SACM1L: variants seen among roughly 807,000 people sequenced by gnomAD.
SACM1L encodes the protein SAC1 like phosphatidylinositide phosphatase, also known as phosphatidylinositol-3-phosphatase SAC1.
A neutral mutation model predicts 89.5 loss-of-function variants in SACM1L; 32 were observed. That is an observed-to-expected ratio of 0.36 (90% confidence interval 0.27 to 0.48). The LOEUF (loss-of-function observed/expected upper bound fraction) is 0.48. Ranked by LOEUF, SACM1L falls within the 20% of genes least tolerant of loss-of-function variation. The probability of loss-of-function intolerance (pLI) is 0.99; values close to 1 mark genes in which losing one functional copy is unlikely to be tolerated. For missense variants in SACM1L, 543 were observed against 708.5 expected, an observed-to-expected ratio of 0.77 and a Z score of 2.65; for synonymous variants, 213 against 232.8, an observed-to-expected ratio of 0.92 and a Z score of 0.77.
At chr3:45,696,306 C>T (rs189459372) in intron 1 of SACM1L, among the ~76,000 whole-genome samples, 34 of 152,072 alleles carry the variant, frequency 2.2e-4, no homozygotes. Flanking sequence ...CCAGAATTTC[C>T]TTTCTAAGGC....
At chr3:45,742,211 A>C (rs1699331354) in intron 19 of SACM1L, among the ~76,000 whole-genome samples, 1 of 152,192 alleles carries the variant, frequency 6.6e-6, no homozygotes. Flanking sequence ...AAGAATTTTA[A>C]ACTTCAGAGC....
chr3:45,711,247 G>GC (rs1698521693), intron 5 of SACM1L, among the ~76,000 whole-genome samples: 1 of 152,144 alleles, frequency 6.6e-6, no homozygotes, highest in South Asian at 2.1e-4. Context: ...TGGGCCGGGG[G>GC]GTTCCAGGCA....
At chr3:45,703,386 A>G (rs1464161177) in intron 1 of SACM1L, 52 bp from the exon 2 acceptor site, 6 of 1,222,142 alleles carry the variant, frequency 4.9e-6, no homozygotes, top group Non-Finnish European at 6.0e-6. Context: ...GTAGTTTTTT[A>G]GAAGTCTTCA....
rs983489169 is a variant in SACM1L at position 45,703,496 on chromosome 3, C to T, written c.91C>T (p.Leu31Phe). The T allele has an allele frequency of 6.2e-7, 1 of 1,613,138 alleles. No homozygotes were observed. The highest frequency in any genetic ancestry group is 1.3e-5 in the African/African-American group (1 of 74,870). The stretch of plus-strand genomic sequence containing the variant: ...TTGTGATGATGGAGCAGATGACGTA[C>T]TTACCATTGACCGTGTGTCCACAGA... Reference protein sequence around the residue: ...EACDDGADDVLTIDRVSTEVT... With the variant: ...EACDDGADDVFTIDRVSTEVT... Residue 31 changes from leucine to phenylalanine, a missense_variant, in exon 2 of 20, where the codon CTT (leucine) becomes TTT (phenylalanine). By Grantham distance (22) the Leu-to-Phe change is conservative. Around this residue, in one of 2 missense-constraint regions of SACM1L, gnomAD observed 173 missense variants for 180.9 expected, o/e 0.96. Transcript: ENST00000389061.
At chr3:45,737,961 TG>T in intron 16 of SACM1L, 117 bp downstream of exon 16, 5 of 791,174 alleles carry the variant, frequency 6.3e-6, no homozygotes, top group Non-Finnish European at 2.1e-6. Flanking sequence ...CTCCAGCATC[TG>T]GGCCTCACTT....
At chr3:45,700,891 C>T (rs531105645) in intron 1 of SACM1L, among the ~76,000 whole-genome samples, 4 of 152,304 alleles carry the variant, frequency 2.6e-5, no homozygotes, top group African/African-American at 4.8e-5. Context: ...AGGCTGGTCT[C>T]GAACACCTGA....
intron 1 of SACM1L, chr3:45,689,741 A>T: frequency 1.7e-6 from 1 of 593,764 alleles, no homozygotes; most frequent in Non-Finnish European, 3.0e-6. Context: ...CTGAAGAGAG[A>T]AGCTGCCGAC....
chr3:45,705,263 AT>A (rs1233876876), intron 3 of SACM1L, 54 bp downstream of exon 3: 1 of 1,052,448 alleles, frequency 9.5e-7, no homozygotes, highest in Admixed American at 1.8e-5. Flanking sequence ...AGGTAGTTAA[AT>A]TGTTAATATT....
chr3:45,721,860 G>A lies in SACM1L; in HGVS notation c.680-140G>A, dbSNP rs570019996. 1.2e-4 allele frequency: 72 copies of A among 604,734 alleles called. No homozygotes were observed. In the African/African-American group the frequency reaches 1.3e-3, roughly 11 times the overall value. 37.5% of individuals were successfully genotyped at this position (604,734 alleles called of 1,614,324 possible). On this transcript the variant is annotated intron_variant, in intron 8 of 19. Coordinates refer to ENST00000389061, the MANE Select transcript of SACM1L (RefSeq NM_014016.5). ...TTTTCTGATCATGTATAATGAATTTGTTTGAATTGTATTTTCATAATGACT... is the reference window on the plus strand; with the variant it reads ...TTTTCTGATCATGTATAATGAATTTATTTGAATTGTATTTTCATAATGACT...
At chr3:45,725,059 C>T (rs1698886528) in intron 11 of SACM1L, among the ~76,000 whole-genome samples, 1 of 152,138 alleles carries the variant, frequency 6.6e-6, no homozygotes, top group African/African-American at 2.4e-5. Context: ...GTCCTTATGA[C>T]AGGATCACAC....
chr3:45,739,812 T>C (rs913861932), intron 19 of SACM1L, 168 bp downstream of exon 19: 1 of 662,588 alleles, frequency 1.5e-6, no homozygotes, highest in African/African-American at 1.8e-5. Flanking sequence ...AAAAATAACA[T>C]ACCTAGTAGT....
intron 1 of SACM1L, among the ~76,000 whole-genome samples, chr3:45,692,577 T>C (rs746710462): frequency 6.6e-6 from 1 of 152,212 alleles, no homozygotes; most frequent in East Asian, 1.9e-4. Flanking sequence ...CCCAAAGTGC[T>C]GGAATTACTG....
At chr3:45,738,067 G>C (rs959453199) in intron 16 of SACM1L, among the ~76,000 whole-genome samples, 4 of 152,194 alleles carry the variant, frequency 2.6e-5, no homozygotes, top group African/African-American at 9.6e-5. Context: ...GGAGGGTTGA[G>C]AGCCACCGCT....
chr3:45,714,746 G>T (rs1433455113), intron 7 of SACM1L, among the ~76,000 whole-genome samples: 2 of 152,150 alleles, frequency 1.3e-5, no homozygotes, highest in Non-Finnish European at 2.9e-5. Flanking sequence ...AATGAGTAAT[G>T]ATTATCTAAT....
At chr3:45,723,006 C>A in intron 10 of SACM1L, 51 bp downstream of exon 10, 1 of 1,315,974 alleles carries the variant, frequency 7.6e-7, no homozygotes. Flanking sequence ...AGCTTAATAG[C>A]ATTATAATTT....
chr3:45,722,787 A>C (rs568619111), intron 9 of SACM1L, 82 bp from the exon 10 acceptor site: 2 of 986,624 alleles, frequency 2.0e-6, no homozygotes, highest in East Asian at 5.2e-5. Context: ...ATATTCATTA[A>C]TATATACACC....
chr3:45,701,496 A>G, intron 1 of SACM1L, among the ~76,000 whole-genome samples: 1 of 152,232 alleles, frequency 6.6e-6, no homozygotes, highest in East Asian at 1.9e-4. Flanking sequence ...CATCTTCTGT[A>G]GATACGGACT....
chr3:45,735,228 G>A lies in SACM1L; in HGVS notation c.1101-7G>A. The A allele has an allele frequency of 6.2e-7, 1 of 1,603,304 alleles. No individual in the cohort carries two copies. Among genetic ancestry groups the A allele is most frequent in the Non-Finnish European group, 8.5e-7 (1 of 1,177,114 alleles). ...GGTATGAGAGTGTTTATACAAATATGTTTTAGTTATTTTCTAGTGGACTCT... is the reference window on the plus strand; with the variant it reads ...GGTATGAGAGTGTTTATACAAATATATTTTAGTTATTTTCTAGTGGACTCT... On this transcript the variant is annotated splice_region_variant and splice_polypyrimidine_tract_variant and intron_variant, in intron 13 of 19. Transcript: ENST00000389061.
chr3:45,703,933 T>C (rs1224230184), intron 2 of SACM1L, among the ~76,000 whole-genome samples: 1 of 152,192 alleles, frequency 6.6e-6, no homozygotes. Flanking sequence ...TACTTTTGTT[T>C]TGAAAGCTTT....
Sources: gnomAD v4.1 joint callset for allele counts (sites outside exome capture counted in the v4.1 genomes callset) on GRCh38, gnomAD v4.1.1 for gene constraint, gnomAD v4.1.1 regional missense constraint, MANE v1.5 for transcripts, NCBI Gene and HGNC (gene_info 2026-07-23, HGNC 2026-07-21) for gene names.